PRICKLE2: variants seen among roughly 807,000 people sequenced by gnomAD.
The protein encoded by PRICKLE2 is prickle-like protein 2.
PRICKLE2 carries 21 observed loss-of-function variants against 81.4 expected under a neutral mutation model. The observed-to-expected ratio is 0.26, with a 90% CI of 0.18 to 0.37. The LOEUF is 0.37. Ranked by LOEUF, PRICKLE2 falls within the 10% of genes least tolerant of loss-of-function variation. The pLI, the probability that PRICKLE2 is intolerant of heterozygous loss-of-function variation, is 1.00. For missense variants in PRICKLE2, 940 were observed against 1,109.0 expected (o/e 0.85, Z 2.16); for synonymous variants, 456 against 421.5 (o/e 1.08, Z -1.00).
chr3:64,177,125 C>CTTTTTTTTTTTTT (rs10690677), intron 2 of PRICKLE2, among the ~76,000 whole-genome samples: 2 of 70,838 alleles, frequency 2.8e-5, no homozygotes, highest in Non-Finnish European at 2.3e-5. Flanking sequence ...CCATTTTAAC[C>CTTTTTTTTTTTTT]TTTTTTTTTT....
intron 2 of PRICKLE2, among the ~76,000 whole-genome samples, chr3:64,186,317 G>A (rs153717): frequency 0.42 from 63,618 of 151,986 alleles, 13,950 homozygotes; most frequent in African/African-American, 0.55. Context: ...TGACATCCTT[G>A]TTTTTCAGAA....
Position 64,136,338 on chromosome 3 carries a change from T to G in PRICKLE2, c.1660+10492A>C, listed in dbSNP as rs950318447. ...TTCCTTAGCTCAGTGGTCCTCAAAC[T>G]TAGTGAACCTATGAGTTCTCTGGGG... On this transcript the variant is annotated intron_variant, in intron 7 of 7. Transcript: ENST00000638394. Among the ~76,000 whole-genome samples, 8 of 151,656 alleles carry G rather than the reference T, an allele frequency of 5.3e-5. No individual in the cohort carries two copies. In the South Asian group the frequency reaches 1.0e-3, roughly 20 times the overall value.
chr3:64,264,192 G>A (rs1374196954), intron 2 of PRICKLE2, among the ~76,000 whole-genome samples: 1 of 152,140 alleles, frequency 6.6e-6, no homozygotes, highest in African/African-American at 2.4e-5. Flanking sequence ...CCACTTGGTA[G>A]CCTTGTGTCT....
intron 7 of PRICKLE2, among the ~76,000 whole-genome samples, chr3:64,118,212 C>T (rs946828055): frequency 1.3e-5 from 2 of 152,178 alleles, no homozygotes; most frequent in Non-Finnish European, 2.9e-5. Context: ...GGATTAAAGA[C>T]TTAACTGTAA....
chr3:64,140,829 T>G lies in PRICKLE2; in HGVS notation c.1660+6001A>C, dbSNP rs182983812. On this transcript the variant is annotated intron_variant, in intron 7 of 7. Transcript: ENST00000638394. ...TGTGCTCGCATGCTTCTCTTTAGCA[T>G]TGGCAAACAGACAAATCAACAAGCC... Among the ~76,000 whole-genome samples the G allele has an allele frequency of 4.3e-3, 656 of 152,288 alleles. 3 individuals carry two copies. Among genetic ancestry groups the G allele is most frequent in the Middle Eastern group, 0.014 (4 of 294 alleles).
At chr3:64,187,853 G>A (rs954424677) in intron 2 of PRICKLE2, among the ~76,000 whole-genome samples, 4 of 152,226 alleles carry the variant, frequency 2.6e-5, no homozygotes, top group African/African-American at 2.4e-5. Context: ...GGCCCCAGCC[G>A]GGTGGTGGTG....
At chr3:64,142,013 T>C (rs1447609085) in intron 7 of PRICKLE2, 5 of 901,284 alleles carry the variant, frequency 5.5e-6, no homozygotes, top group Admixed American at 6.2e-5. Context: ...TACTGAATTT[T>C]CTAGCAAAAT....
intron 2 of PRICKLE2, among the ~76,000 whole-genome samples, chr3:64,266,337 T>C (rs946954543): frequency 6.6e-6 from 1 of 152,154 alleles, no homozygotes; most frequent in Non-Finnish European, 1.5e-5. Context: ...CAAACAGAAA[T>C]AAAAGTTGCT....
At chr3:64,104,140 A>T (rs1304368220) in intron 7 of PRICKLE2, among the ~76,000 whole-genome samples, 1 of 152,254 alleles carries the variant, frequency 6.6e-6, no homozygotes, top group Non-Finnish European at 1.5e-5. Context: ...TCAGGGCAAT[A>T]GCAGCTGGGG....
chr3:64,252,858 A>T (rs1209191036), intron 2 of PRICKLE2, among the ~76,000 whole-genome samples: 1 of 152,180 alleles, frequency 6.6e-6, no homozygotes, highest in East Asian at 1.9e-4. Flanking sequence ...TGACTATTCA[A>T]CTCTGCCCTT....
rs182918089 is a variant in PRICKLE2 at position 64,117,042 on chromosome 3, C to A, written c.1661-17117G>T. ...TTTATCCTTGGGAACAAGTTTGATT[C>A]ATCATATGTAAATCAATAAATGTGA... On this transcript the variant is annotated intron_variant, in intron 7 of 7. Coordinates refer to ENST00000638394, the MANE Select transcript of PRICKLE2 (RefSeq NM_198859.4). Among the ~76,000 whole-genome samples, 521 of 152,308 alleles carry A rather than the reference C, an allele frequency of 3.4e-3. 1 individual carries two copies. Among genetic ancestry groups the A allele is most frequent in the Non-Finnish European group, 6.2e-3 (420 of 68,024 alleles).
chr3:64,128,336 G>C (rs2106980560), intron 7 of PRICKLE2, among the ~76,000 whole-genome samples: 1 of 152,348 alleles, frequency 6.6e-6, no homozygotes, highest in Middle Eastern at 3.4e-3. Flanking sequence ...GCTGTTAACA[G>C]GATGCAGTGA....
rs965263601 is a variant in PRICKLE2 at position 64,134,614 on chromosome 3, C to CCAAA, written c.1660+12212_1660+12215dup. Among the ~76,000 whole-genome samples, 5 of 148,384 alleles carry CCAAA rather than the reference C, an allele frequency of 3.4e-5. No individual in the cohort carries two copies. In the South Asian group the frequency reaches 8.6e-4, roughly 26 times the overall value. ...CCAGTTATTACAACCAAAAATGCCT[C>CCAAA]CAAACTTCGAAGTGTTCCCTGGGTG... is the stretch of plus-strand genomic sequence containing the variant. On this transcript the variant is annotated intron_variant, in intron 7 of 7. Coordinates refer to ENST00000638394, the MANE Select transcript of PRICKLE2 (RefSeq NM_198859.4).
intron 2 of PRICKLE2, among the ~76,000 whole-genome samples, chr3:64,243,433 G>GC (rs1406082593): frequency 6.6e-6 from 1 of 152,096 alleles, no homozygotes; most frequent in African/African-American, 2.4e-5. Context: ...GGACAAAATT[G>GC]CCCCCCTTGG....
chr3:64,223,095 T>C (rs2078980724), intron 1 of PRICKLE2, among the ~76,000 whole-genome samples: 1 of 152,248 alleles, frequency 6.6e-6, no homozygotes, highest in Non-Finnish European at 1.5e-5. Flanking sequence ...TGGCATCTTT[T>C]CTGCTAGCAA....
chr3:64,166,139 T>C lies in PRICKLE2; in HGVS notation c.145-3010A>G, dbSNP rs551077464. ...GTTCTCTCTGAGCCCAGTGTCCTCT[T>C]ACCTCTGCTCTCTTCTCTTCCTGCA... On this transcript the variant is annotated intron_variant, in intron 2 of 7. Coordinates refer to ENST00000638394, the MANE Select transcript of PRICKLE2 (RefSeq NM_198859.4). Among the ~76,000 whole-genome samples the C allele has an allele frequency of 3.3e-4, 50 of 152,282 alleles. No homozygotes were observed. In the South Asian group the frequency reaches 5.8e-3, roughly 18 times the overall value.
intron 2 of PRICKLE2, chr3:64,267,942 G>C (rs1012682606): frequency 6.6e-6 from 1 of 152,296 alleles, no homozygotes; most frequent in African/African-American, 2.4e-5. Context: ...CGCCTCTGCC[G>C]GCCCGGGAAA....
intron 2 of PRICKLE2, among the ~76,000 whole-genome samples, chr3:64,169,026 G>C (rs1047695892): frequency 3.3e-5 from 5 of 151,832 alleles, no homozygotes; most frequent in African/African-American, 7.3e-5. Flanking sequence ...ATTTGACTGA[G>C]AGCATCAATA....
chr3:64,177,933 C>T (rs1447986530), intron 2 of PRICKLE2, among the ~76,000 whole-genome samples: 2 of 152,200 alleles, frequency 1.3e-5, no homozygotes, highest in Non-Finnish European at 2.9e-5. Flanking sequence ...AGTGGAATTA[C>T]TGGATGATAT....
Sources: allele counts gnomAD v4.1 joint callset (sites outside exome capture counted in the v4.1 genomes callset), GRCh38; gene constraint gnomAD v4.1.1; transcripts MANE v1.5; gene names NCBI Gene and HGNC (gene_info 2026-07-23, HGNC 2026-07-21).